Variants in TOP6BL observed in about 807,000 individuals in gnomAD.
The protein encoded by TOP6BL is TOP6B like initiator of meiotic double strand breaks.
the TOP6BL span, among the ~76,000 whole-genome samples, chr11:66,756,926 G>A: frequency 6.6e-6 from 1 of 151,548 alleles, no homozygotes; most frequent in East Asian, 2.0e-4. Flanking sequence ...ACCCAGGCTG[G>A]TCTTGAATTC....
chr11:66,745,314 T>TGGGGG, the TOP6BL span, among the ~76,000 whole-genome samples: 1 of 111,050 alleles, frequency 9.0e-6, no homozygotes, highest in Non-Finnish European at 1.8e-5. Flanking sequence ...CGGGGCGGGG[T>TGGGGG]GGGGGGAGTC....
the TOP6BL span, chr11:66,756,456 C>A: frequency 9.3e-7 from 1 of 1,079,564 alleles, no homozygotes; most frequent in South Asian, 2.0e-5. Context: ...CCTCAGTCCC[C>A]CGAGTAGCTG....
chr11:66,764,482 C>T, the TOP6BL span, among the ~76,000 whole-genome samples: 1 of 141,520 alleles, frequency 7.1e-6, no homozygotes. Context: ...GAAACCCTGT[C>T]TCTACTAAAA....
the TOP6BL span, chr11:66,759,170 T>C: frequency 1.9e-6 from 2 of 1,047,016 alleles, no homozygotes; most frequent in Admixed American, 2.9e-5. Flanking sequence ...GAAACAAATT[T>C]ATAATGAAAG....
chr11:66,792,334 CTTCTAA>C, the TOP6BL span, among the ~76,000 whole-genome samples: 1 of 152,176 alleles, frequency 6.6e-6, no homozygotes, highest in South Asian at 2.1e-4. Flanking sequence ...ACTGTGAACT[CTTCTAA>C]TTCTGAGATT....
At chr11:66,788,239 A>G in the TOP6BL span, 133 of 1,613,566 alleles carry the variant, frequency 8.2e-5, no homozygotes, top group Non-Finnish European at 1.0e-4. Flanking sequence ...AGGATATGAC[A>G]GGGGTAACAC....
At chr11:66,807,305 C>G in the TOP6BL span, among the ~76,000 whole-genome samples, 1 of 152,204 alleles carries the variant, frequency 6.6e-6, no homozygotes, top group Non-Finnish European at 1.5e-5. Context: ...GGTGTGGTGG[C>G]TCACGCCTGT....
chr11:66,800,867 C>T, the TOP6BL span, among the ~76,000 whole-genome samples: 2 of 152,188 alleles, frequency 1.3e-5, no homozygotes, highest in South Asian at 2.1e-4. Flanking sequence ...TCATCCCTGT[C>T]TCTAGAGGGG....
At chr11:66,746,676 T>C in the TOP6BL span, among the ~76,000 whole-genome samples, 1 of 151,620 alleles carries the variant, frequency 6.6e-6, no homozygotes, top group South Asian at 2.1e-4. Context: ...GTCGCACCAT[T>C]GCACTCCAGC....
At chr11:66,804,877 C>T in the TOP6BL span, among the ~76,000 whole-genome samples, 2 of 152,074 alleles carry the variant, frequency 1.3e-5, no homozygotes, top group East Asian at 3.9e-4. Context: ...GGAGACCAGC[C>T]TGGCCAACAT....
At chr11:66,825,822 TATC>T in the TOP6BL span, among the ~76,000 whole-genome samples, 2 of 152,014 alleles carry the variant, frequency 1.3e-5, no homozygotes, top group South Asian at 2.1e-4. Context: ...ATGGGCAACT[TATC>T]ATTCCATATT....
the TOP6BL span, among the ~76,000 whole-genome samples, chr11:66,751,519 T>C: frequency 0.24 from 35,972 of 147,956 alleles, 4,392 homozygotes; most frequent in Middle Eastern, 0.33. Context: ...TTTTTTTTTA[T>C]AGAGATGAGG....
chr11:66,826,981 CTTT>C, the TOP6BL span, among the ~76,000 whole-genome samples: 2 of 95,034 alleles, frequency 2.1e-5, no homozygotes, highest in Non-Finnish European at 4.0e-5. Flanking sequence ...CCACACCTGG[CTTT>C]TTTTTTTTTT....
chr11:66,787,346 TA>T, the TOP6BL span, among the ~76,000 whole-genome samples: 1 of 152,098 alleles, frequency 6.6e-6, no homozygotes, highest in African/African-American at 2.4e-5. Context: ...TTTTAGGGCA[TA>T]TTTTTTTAAT....
At chr11:66,761,802 C>T in the TOP6BL span, 3 of 814,106 alleles carry the variant, frequency 3.7e-6, no homozygotes, top group East Asian at 2.5e-5. Flanking sequence ...AAGCTAACTT[C>T]CCTGATAGAG....
At chr11:66,802,800 T>C in the TOP6BL span, among the ~76,000 whole-genome samples, 2 of 152,236 alleles carry the variant, frequency 1.3e-5, no homozygotes, top group East Asian at 1.9e-4. Context: ...TATCTTTCTT[T>C]AGTGATCCTC....
chr11:66,759,119 T>C, the TOP6BL span: 2 of 1,439,192 alleles, frequency 1.4e-6, no homozygotes, highest in Non-Finnish European at 1.9e-6. Context: ...CTAACTTCCA[T>C]GAGACTGAAT....
chr11:66,800,831 C>G, the TOP6BL span: 1 of 931,660 alleles, frequency 1.1e-6, no homozygotes. Flanking sequence ...TTTCTGACAC[C>G]CCCACATTTT....
At chr11:66,753,215 G>T in the TOP6BL span, among the ~76,000 whole-genome samples, 1 of 152,044 alleles carries the variant, frequency 6.6e-6, no homozygotes, top group East Asian at 1.9e-4. Context: ...GTGTGTGTAT[G>T]CAGGCAAGCA....
Sources: allele counts gnomAD v4.1 joint callset (sites outside exome capture counted in the v4.1 genomes callset), GRCh38; gene constraint gnomAD v4.1.1; transcripts MANE v1.5; gene names NCBI Gene and HGNC (gene_info 2026-07-23, HGNC 2026-07-21).